The following SHOC1 variants were observed in gnomAD, a reference collection of about 807,000 sequenced individuals.
SHOC1 encodes shortage in chiasmata 1, also known as protein shortage in chiasmata 1 ortholog.
Under a neutral mutation model 179.2 loss-of-function variants are expected in SHOC1, and 136 were observed. The observed-to-expected ratio is 0.76, with a 90% confidence interval of 0.66 to 0.87. SHOC1 has a LOEUF of 0.87. SHOC1 is among the 40% of genes least tolerant of loss of function. SHOC1 has a pLI of 0.00. For missense variants in SHOC1, 1,538 were observed against 1,700.8 expected, an observed-to-expected ratio of 0.90 and a Z score of 1.68; for synonymous variants, 489 against 586.6, an observed-to-expected ratio of 0.83 and a Z score of 2.41.
At chr9:111,712,113 C>A (rs28480054) in intron 18 of SHOC1, among the ~76,000 whole-genome samples, 8,702 of 152,114 alleles carry the variant, frequency 0.057, 635 homozygotes, top group African/African-American at 0.17. Context: ...GAGGTAGGAC[C>A]GTTCTGCATT....
rs1834272533 is a variant in SHOC1, at chr9:111,746,247, G to C, written c.1066C>G (p.Pro356Ala). The change falls in exon 10 of 28, where the codon CCG becomes GCG. Residue 356 changes from proline (P) to alanine (A), a missense_variant. Coordinates refer to ENST00000682961, the MANE Select transcript of SHOC1 (RefSeq NM_001378211.1). ...RTELQTFPLSPVCKINLLTAE... is the reference protein window; with the variant it reads ...RTELQTFPLSAVCKINLLTAE... ...ATCTTTACTTACATTTTACAAACCG[G>C]AGATAATGGAAATGTCTGAAGTTCT... 6.3e-7 allele frequency: 1 copy of C among 1,595,918 alleles called. No individual in the cohort carries two copies. Among genetic ancestry groups the C allele is most frequent in the African/African-American group, 1.3e-5 (1 of 74,470 alleles).
At chr9:111,749,674 CT>C (rs950161411) in intron 8 of SHOC1, among the ~76,000 whole-genome samples, 1 of 152,130 alleles carries the variant, frequency 6.6e-6, no homozygotes, top group Non-Finnish European at 1.5e-5. Context: ...CTTCCTCCCC[CT>C]ACATCACCCC....
At chr9:111,794,262 C>T (rs566276213) in intron 1 of SHOC1, among the ~76,000 whole-genome samples, 15 of 141,220 alleles carry the variant, frequency 1.1e-4, no homozygotes, top group Admixed American at 7.4e-4. Flanking sequence ...TTCACTCCCT[C>T]GCATAAAAAC....
intron 5 of SHOC1, among the ~76,000 whole-genome samples, chr9:111,769,506 C>T (rs142897971): frequency 1.1e-4 from 17 of 152,102 alleles, no homozygotes; most frequent in Admixed American, 9.8e-4. Context: ...CATAGGGTCT[C>T]ACTCTGTCAC....
chr9:111,789,799 G>A (rs568946826), intron 2 of SHOC1, among the ~76,000 whole-genome samples: 11 of 152,280 alleles, frequency 7.2e-5, no homozygotes, highest in African/African-American at 2.6e-4. Context: ...TTTGCAAGTG[G>A]CCAATACACA....
intron 8 of SHOC1, among the ~76,000 whole-genome samples, chr9:111,753,022 G>C (rs892105018): frequency 4.6e-5 from 7 of 152,134 alleles, no homozygotes; most frequent in African/African-American, 1.7e-4. Flanking sequence ...AGACCAGCCT[G>C]AGCAACATAG....
chr9:111,748,337 G>C, intron 8 of SHOC1, 138 bp from the exon 9 acceptor site: 1 of 609,372 alleles, frequency 1.6e-6, no homozygotes, highest in East Asian at 2.8e-5. Context: ...GAGAAGTAGA[G>C]ATTTATACTT....
At chr9:111,731,808 T>A (rs945846) in intron 12 of SHOC1, among the ~76,000 whole-genome samples, 113,346 of 147,516 alleles carry the variant, frequency 0.77, 42,800 homozygotes, top group East Asian at 0.9. Context: ...AAATAAAACA[T>A]ATCATTCATG....
chr9:111,746,034 T>C (rs550671915), intron 10 of SHOC1, among the ~76,000 whole-genome samples, 200 bp downstream of exon 10: 1 of 152,360 alleles, frequency 6.6e-6, no homozygotes, highest in East Asian at 1.9e-4. Context: ...TTGGGTGCCC[T>C]TCTAAAGATA....
At position 111,719,035 on chromosome 9, in the gene SHOC1, T is replaced by G. The variant is rs548949817; in HGVS notation, c.2132-747A>C. On this transcript the variant is annotated intron_variant, in intron 15 of 27. Coordinates refer to ENST00000682961, the MANE Select transcript of SHOC1 (RefSeq NM_001378211.1). ...GTTTGCAAATTGATGATCTATTCAA[T>G]GAAGATCAAGGCAAATATGTAGTAG... Among the ~76,000 whole-genome samples the G allele has an allele frequency of 1.1e-3, 166 of 152,270 alleles. 1 individual carries two copies. Among genetic ancestry groups the G allele is most frequent in the Middle Eastern group, 0.01 (3 of 294 alleles).
At chr9:111,739,973 G>A (rs1010289471) in intron 11 of SHOC1, among the ~76,000 whole-genome samples, 1 of 152,140 alleles carries the variant, frequency 6.6e-6, no homozygotes, top group Middle Eastern at 3.2e-3. Context: ...CTGTCAACCT[G>A]GGACCACTTT....
chr9:111,788,496 C>T (rs1836343258), intron 2 of SHOC1, among the ~76,000 whole-genome samples: 1 of 152,150 alleles, frequency 6.6e-6, no homozygotes, highest in Non-Finnish European at 1.5e-5. Flanking sequence ...TGAGGTATGC[C>T]TGTATCAGAT....
Position 111,704,005 on chromosome 9 carries a change from A to G in SHOC1, c.2856-13T>C, listed in dbSNP as rs1832124698. The G allele has an allele frequency of 7.2e-7, 1 of 1,387,476 alleles. No homozygotes were observed. Among genetic ancestry groups the G allele is most frequent in the Non-Finnish European group, 1.0e-6 (1 of 1,000,266 alleles). 85.9% of individuals were successfully genotyped at this position (1,387,476 alleles called of 1,614,324 possible). A position where few individuals can be genotyped will look rare whatever the true frequency, so the allele number is the denominator to read the frequency against. On this transcript the variant is annotated splice_polypyrimidine_tract_variant and intron_variant, in intron 21 of 27. Transcript: ENST00000682961. ...TGAGATGTTATAGCTGTAAAATACA[A>G]TATTCTTGAGTGAAAAAATGAAATG...
intron 14 of SHOC1, among the ~76,000 whole-genome samples, chr9:111,723,465 G>C (rs1462122712): frequency 2.6e-5 from 4 of 152,214 alleles, no homozygotes; most frequent in African/African-American, 9.6e-5. Flanking sequence ...TAAGAGAACA[G>C]AGAGAGCATG....
At chr9:111,740,409 C>G (rs7859719) in intron 11 of SHOC1, among the ~76,000 whole-genome samples, 34,487 of 152,034 alleles carry the variant, frequency 0.23, 4,945 homozygotes, top group East Asian at 0.35. Flanking sequence ...CTCAGTGATT[C>G]ATTTAAAAAT....
chr9:111,749,749 C>T (rs1316068632), intron 8 of SHOC1, among the ~76,000 whole-genome samples: 1 of 152,118 alleles, frequency 6.6e-6, no homozygotes, highest in African/African-American at 2.4e-5. Flanking sequence ...CGTTCAGCTC[C>T]CACTTATAAG....
chr9:111,790,227 A>G (rs67780079), intron 2 of SHOC1, among the ~76,000 whole-genome samples: 62,359 of 152,028 alleles, frequency 0.41, 14,264 homozygotes, highest in East Asian at 0.77. Flanking sequence ...TCATAGTAGG[A>G]TGGTGCAAAA....
At chr9:111,759,149 G>T in intron 5 of SHOC1, 1 of 1,602,788 alleles carries the variant, frequency 6.2e-7, no homozygotes, top group Non-Finnish European at 8.5e-7. Flanking sequence ...ATATCTTATG[G>T]ACTTACACTT....
intron 8 of SHOC1, among the ~76,000 whole-genome samples, chr9:111,748,431 A>G (rs1304128152): frequency 6.6e-6 from 1 of 152,158 alleles, no homozygotes; most frequent in Non-Finnish European, 1.5e-5. Flanking sequence ...AGAATTACCC[A>G]AGGAAAATAA....
Sources: allele counts gnomAD v4.1 joint callset (sites outside exome capture counted in the v4.1 genomes callset), GRCh38; gene constraint gnomAD v4.1.1; transcripts MANE v1.5; gene names NCBI Gene and HGNC (gene_info 2026-07-23, HGNC 2026-07-21).